The following USP34 variants were observed in gnomAD, a reference collection of about 807,000 sequenced individuals.
USP34 encodes ubiquitin specific peptidase 34.
USP34 carries 70 observed loss-of-function variants against 460.3 expected under a neutral mutation model. That is an observed-to-expected ratio of 0.15 (90% CI 0.13 to 0.19). The LOEUF is 0.19. Ranked by LOEUF, USP34 falls within the 10% of genes least tolerant of loss-of-function variation. The probability of loss-of-function intolerance (pLI) is 1.00; values close to 1 mark genes in which losing one functional copy is unlikely to be tolerated. For missense variants in USP34, 3,985 were observed against 4,236.2 expected (o/e 0.94, Z 1.65); for synonymous variants, 1,647 against 1,405.3 (o/e 1.17, Z -3.85).
intron 30 of USP34, 41 bp downstream of exon 30, chr2:61,296,759 G>C (rs199569871): frequency 6.3e-7 from 1 of 1,586,278 alleles, no homozygotes; most frequent in Non-Finnish European, 8.6e-7. Context: ...ATGTAAACTG[G>C]TAACAGCCTC....
intron 53 of USP34, 152 bp downstream of exon 53, chr2:61,241,408 T>C (rs1688255929): frequency 3.8e-6 from 2 of 519,618 alleles, no homozygotes; most frequent in East Asian, 3.4e-5. Context: ...ACGGGTCTTA[T>C]ATCAGTATTA....
chr2:61,242,711 T>C (rs1426640796), intron 51 of USP34, among the ~76,000 whole-genome samples: 1 of 152,066 alleles, frequency 6.6e-6, no homozygotes, highest in African/African-American at 2.4e-5. Flanking sequence ...GAGACGAGGA[T>C]TCTACTGGTA....
chr2:61,334,073 T>C (rs373656386), intron 18 of USP34, 102 bp from the exon 19 acceptor site: 129 of 731,652 alleles, frequency 1.8e-4, no homozygotes, highest in Non-Finnish European at 2.3e-4. Context: ...GAATCTTGCA[T>C]AGAGACATAT....
At chr2:61,297,021 A>C in intron 29 of USP34, 96 bp from the exon 30 acceptor site, 5 of 1,467,172 alleles carry the variant, frequency 3.4e-6, no homozygotes, top group Non-Finnish European at 3.6e-6. Context: ...AAATTTGCTA[A>C]TAGTTTTTAG....
At chr2:61,335,493 G>A (rs1691389643) in intron 18 of USP34, among the ~76,000 whole-genome samples, 1 of 152,198 alleles carries the variant, frequency 6.6e-6, no homozygotes, top group Non-Finnish European at 1.5e-5. Context: ...GTTCATGCCT[G>A]TAATCCCAAC....
chr2:61,275,397 A>G (rs534361686), intron 41 of USP34, among the ~76,000 whole-genome samples: 33 of 152,318 alleles, frequency 2.2e-4, no homozygotes, highest in African/African-American at 7.5e-4. Context: ...CGGGAGGATC[A>G]CTTAAGGGCA....
At chr2:61,389,936 T>G (rs909608573) in intron 5 of USP34, among the ~76,000 whole-genome samples, 1 of 152,000 alleles carries the variant, frequency 6.6e-6, no homozygotes, top group Non-Finnish European at 1.5e-5. Context: ...TCTGACAAAG[T>G]GCAAAGTGGC....
At chr2:61,345,598 G>A (rs1389908825) in intron 15 of USP34, among the ~76,000 whole-genome samples, 1 of 152,154 alleles carries the variant, frequency 6.6e-6, no homozygotes, top group African/African-American at 2.4e-5. Flanking sequence ...GTTAGCCCAG[G>A]AAATCCTCAC....
At chr2:61,378,003 C>T (rs1692847449) in intron 8 of USP34, among the ~76,000 whole-genome samples, 1 of 152,144 alleles carries the variant, frequency 6.6e-6, no homozygotes, top group Admixed American at 6.5e-5. Flanking sequence ...CAAAACTCTG[C>T]CTCTGCAAAT....
chr2:61,451,346 A>G (rs1333744742), intron 1 of USP34, among the ~76,000 whole-genome samples: 1 of 152,070 alleles, frequency 6.6e-6, no homozygotes, highest in Admixed American at 6.6e-5. Flanking sequence ...AATAATAAAC[A>G]GCTTAAAAAT....
chr2:61,228,627 C>G lies in USP34; in HGVS notation c.7443+18G>C. On this transcript the variant is annotated intron_variant, in intron 61 of 79. Transcript: ENST00000398571. ...ACCAGAGCCTCTAATACCTAATGTA[C>G]GATAGAACTGTACTTACATTTTCAG... is the stretch of plus-strand genomic sequence containing the variant. 1 of 1,603,242 alleles carries G rather than the reference C, an allele frequency of 6.2e-7. No individual in the cohort carries two copies. Among genetic ancestry groups the G allele is most frequent in the Non-Finnish European group, 8.5e-7 (1 of 1,174,046 alleles).
chr2:61,211,333 GAAAATTAA>G (rs1381790595), intron 69 of USP34, among the ~76,000 whole-genome samples: 1 of 152,184 alleles, frequency 6.6e-6, no homozygotes, highest in African/African-American at 2.4e-5. Flanking sequence ...CTGTAGCTCT[GAAAATTAA>G]TTATAAAGAC....
At chr2:61,456,072 G>A (rs771197856) in intron 1 of USP34, among the ~76,000 whole-genome samples, 6 of 152,126 alleles carry the variant, frequency 3.9e-5, no homozygotes, top group Non-Finnish European at 7.4e-5. Flanking sequence ...CAGCATACAG[G>A]AGAATGCTTT....
intron 75 of USP34, among the ~76,000 whole-genome samples, chr2:61,199,724 TTA>T (rs1452623606): frequency 1.3e-5 from 2 of 152,228 alleles, no homozygotes; most frequent in African/African-American, 2.4e-5. Context: ...TCATGTATCT[TTA>T]TGTTTGTTGA....
intron 27 of USP34, among the ~76,000 whole-genome samples, chr2:61,309,475 T>C (rs1260189887): frequency 6.6e-6 from 1 of 152,268 alleles, no homozygotes. Context: ...CAGTGTGACT[T>C]TGGAAAAATG....
chr2:61,212,624 T>G (rs1444500882), intron 68 of USP34, among the ~76,000 whole-genome samples: 1 of 152,214 alleles, frequency 6.6e-6, no homozygotes, highest in Non-Finnish European at 1.5e-5. Context: ...AGGAGAGGAC[T>G]GCTCTTCTAA....
At chr2:61,349,543 A>C (rs935803436) in intron 12 of USP34, among the ~76,000 whole-genome samples, 3 of 151,498 alleles carry the variant, frequency 2.0e-5, no homozygotes, top group African/African-American at 7.3e-5. Context: ...TATGTATGTT[A>C]AAAAAAATAC....
chr2:61,265,878 A>T, intron 42 of USP34, 106 bp downstream of exon 42: 1 of 1,047,120 alleles, frequency 9.5e-7, no homozygotes, highest in Non-Finnish European at 1.3e-6. Flanking sequence ...AATCATTTAT[A>T]ATGTTAAAGT....
intron 42 of USP34, 44 bp downstream of exon 42, chr2:61,265,940 G>T: frequency 6.7e-7 from 1 of 1,485,318 alleles, no homozygotes; most frequent in Non-Finnish European, 9.0e-7. Flanking sequence ...TCTTATTTCT[G>T]AATTCAAAAT....
Sources: gnomAD v4.1 joint callset for allele counts (sites outside exome capture counted in the v4.1 genomes callset) on GRCh38, gnomAD v4.1.1 for gene constraint, MANE v1.5 for transcripts, NCBI Gene and HGNC (gene_info 2026-07-23, HGNC 2026-07-21) for gene names.